Variants in SGCZ observed in about 807,000 individuals in gnomAD.
SGCZ encodes the protein zeta-sarcoglycan.
A neutral mutation model predicts 41.3 loss-of-function variants in SGCZ; 40 were observed. That is an observed-to-expected ratio of 0.97 (90% CI 0.75 to 1.26). The LOEUF (loss-of-function observed/expected upper bound fraction) is 1.26, where lower values mean the gene tolerates loss of function less well. SGCZ is among the 50% of genes most tolerant of loss of function. SGCZ has a pLI of 0.00. For missense variants in SGCZ, 552 were observed against 369.8 expected (o/e 1.49, Z -4.04); for synonymous variants, 206 against 137.5 (o/e 1.50, Z -3.49).
intron 1 of SGCZ, among the ~76,000 whole-genome samples, chr8:14,747,118 C>T (rs73664469): frequency 0.034 from 5,242 of 152,186 alleles, 298 homozygotes; most frequent in African/African-American, 0.12. Flanking sequence ...TTCACTCTTA[C>T]GGTTAGGATT....
intron 1 of SGCZ, among the ~76,000 whole-genome samples, chr8:14,944,726 A>T (rs895301394): frequency 6.6e-6 from 1 of 152,208 alleles, no homozygotes; most frequent in Admixed American, 6.5e-5. Context: ...TTGTAGGCTG[A>T]GGATTTTGCA....
chr8:14,343,966 A>C (rs1341787753), intron 2 of SGCZ, among the ~76,000 whole-genome samples: 1 of 152,196 alleles, frequency 6.6e-6, no homozygotes, highest in East Asian at 1.9e-4. Context: ...ATTATAATTC[A>C]AGTATTCAGA....
chr8:14,220,297 T>C (rs80004533), intron 4 of SGCZ, among the ~76,000 whole-genome samples: 7,169 of 152,224 alleles, frequency 0.047, 209 homozygotes, highest in Middle Eastern at 0.095. Context: ...TGCAAAATCA[T>C]TGTGGAGTAT....
At chr8:14,394,712 T>A (rs556507025) in intron 2 of SGCZ, among the ~76,000 whole-genome samples, 2 of 152,000 alleles carry the variant, frequency 1.3e-5, no homozygotes, top group Non-Finnish European at 2.9e-5. Context: ...GTGGAAATAA[T>A]TGGAAATAAA....
intron 1 of SGCZ, among the ~76,000 whole-genome samples, chr8:14,761,194 A>C (rs978320258): frequency 1.3e-5 from 2 of 152,148 alleles, no homozygotes; most frequent in African/African-American, 4.8e-5. Context: ...TTTTGGTCAG[A>C]TGGAAAACGA....
At chr8:15,163,253 A>C (rs1799566814) in intron 1 of SGCZ, among the ~76,000 whole-genome samples, 1 of 152,226 alleles carries the variant, frequency 6.6e-6, no homozygotes, top group Non-Finnish European at 1.5e-5. Flanking sequence ...AAGCATTACC[A>C]CATTGAATCC....
Position 15,186,840 on chromosome 8 carries a change from T to G in SGCZ, c.39+50745A>C, listed in dbSNP as rs142063605. On this transcript the variant is annotated intron_variant, in intron 1 of 7. Transcript: ENST00000382080. ...CCAAAGTATTAACTGTGAACGCTTGTTTTTCAGCTAGTGGGTTTTTAAGCA... is the reference window on the plus strand; with the variant it reads ...CCAAAGTATTAACTGTGAACGCTTGGTTTTCAGCTAGTGGGTTTTTAAGCA... 1.7e-3 allele frequency among the ~76,000 whole-genome samples: 256 copies of G among 152,302 alleles called. 3 individuals carry two copies. The highest frequency in any genetic ancestry group is 0.015 in the Admixed American group (222 of 15,298).
intron 1 of SGCZ, among the ~76,000 whole-genome samples, chr8:14,827,410 T>G (rs904231903): frequency 1.3e-5 from 2 of 152,038 alleles, no homozygotes; most frequent in Non-Finnish European, 2.9e-5. Flanking sequence ...CTAATTTTTG[T>G]GTTTTTAGTA....
intron 1 of SGCZ, among the ~76,000 whole-genome samples, chr8:14,817,485 CA>C (rs1801943815): frequency 6.6e-6 from 1 of 152,184 alleles, no homozygotes; most frequent in Non-Finnish European, 1.5e-5. Flanking sequence ...TACAGCACAG[CA>C]CCATCTTGAA....
intron 2 of SGCZ, among the ~76,000 whole-genome samples, chr8:14,336,498 CT>C (rs1802512075): frequency 6.6e-6 from 1 of 152,096 alleles, no homozygotes; most frequent in African/African-American, 2.4e-5. Context: ...GTTTTTAGCT[CT>C]TTGAGAAACT....
chr8:14,400,971 T>C (rs1382491339), intron 2 of SGCZ, among the ~76,000 whole-genome samples: 3 of 152,138 alleles, frequency 2.0e-5, no homozygotes, highest in Non-Finnish European at 2.9e-5. Flanking sequence ...AATCAAACCA[T>C]AATATGTGAA....
At position 14,768,157 on chromosome 8, in the gene SGCZ, C is replaced by T. The variant is rs190564501; in HGVS notation, c.40-213231G>A. ...GAGAAAATATGTTTAACTCTGCCTACTTATGTATTACAAGCATTCATGGTA... is the reference window on the plus strand; with the variant it reads ...GAGAAAATATGTTTAACTCTGCCTATTTATGTATTACAAGCATTCATGGTA... On this transcript the variant is annotated intron_variant, in intron 1 of 7. Transcript: ENST00000382080. 2.0e-5 allele frequency among the ~76,000 whole-genome samples: 3 copies of T among 152,280 alleles called. No homozygotes were observed. In the East Asian group the frequency reaches 5.8e-4, roughly 29 times the overall value.
At chr8:14,804,046 C>G (rs1801439485) in intron 1 of SGCZ, among the ~76,000 whole-genome samples, 1 of 122,362 alleles carries the variant, frequency 8.2e-6, no homozygotes, top group Admixed American at 8.8e-5. Flanking sequence ...AACTAACAAA[C>G]AGAAAGGACA....
intron 1 of SGCZ, among the ~76,000 whole-genome samples, chr8:15,113,590 G>T (rs1807154154): frequency 6.6e-6 from 1 of 152,138 alleles, no homozygotes; most frequent in African/African-American, 2.4e-5. Flanking sequence ...TCCAGAGCAT[G>T]TCTCTTCGGC....
At chr8:15,139,401 T>A (rs545706032) in intron 1 of SGCZ, among the ~76,000 whole-genome samples, 1 of 152,320 alleles carries the variant, frequency 6.6e-6, no homozygotes, top group Admixed American at 6.5e-5. Context: ...TTAATAAACA[T>A]AGTAAAGTGT....
chr8:15,145,885 C>T (rs1015541398), intron 1 of SGCZ, among the ~76,000 whole-genome samples: 3 of 152,138 alleles, frequency 2.0e-5, no homozygotes, highest in Non-Finnish European at 2.9e-5. Flanking sequence ...TATTTATCTC[C>T]TCTGCCTCCC....
chr8:14,141,024 T>C (rs1488857209), intron 5 of SGCZ, among the ~76,000 whole-genome samples: 4 of 152,100 alleles, frequency 2.6e-5, no homozygotes, highest in African/African-American at 9.7e-5. Context: ...ACCGCACACC[T>C]ACAACCATCT....
intron 1 of SGCZ, among the ~76,000 whole-genome samples, chr8:15,087,980 A>G (rs1316493794): frequency 6.6e-6 from 1 of 150,888 alleles, no homozygotes; most frequent in Non-Finnish European, 1.5e-5. Flanking sequence ...CCATTACTAT[A>G]TACCTCATAT....
intron 3 of SGCZ, among the ~76,000 whole-genome samples, chr8:14,256,561 CT>C (rs1799472997): frequency 1.1e-5 from 1 of 91,058 alleles, no homozygotes; most frequent in Admixed American, 1.1e-4. Flanking sequence ...TGGAATTACT[CT>C]CTCTTTCTCC....
Sources: gnomAD v4.1 joint callset for allele counts (sites outside exome capture counted in the v4.1 genomes callset) on GRCh38, gnomAD v4.1.1 for gene constraint, MANE v1.5 for transcripts, NCBI Gene and HGNC (gene_info 2026-07-23, HGNC 2026-07-21) for gene names.